The following DDX49 variants were observed in gnomAD, a reference collection of about 807,000 sequenced individuals.
DDX49 encodes probable ATP-dependent RNA helicase DDX49.
Under a neutral mutation model 56.3 loss-of-function variants are expected in DDX49, and 50 were observed. The ratio of observed to expected loss-of-function variants is 0.89; its 90% confidence interval spans 0.71 to 1.12. DDX49 has a LOEUF of 1.12. DDX49 is among the 50% of genes most tolerant of loss of function. The pLI, the probability that DDX49 is intolerant of heterozygous loss-of-function variation, is 0.00. For synonymous variants in DDX49, 269 were observed against 270.6 expected, an observed-to-expected ratio of 0.99 and a Z score of 0.06; for missense variants, 614 against 650.5, an observed-to-expected ratio of 0.94 and a Z score of 0.61.
At chr19:18,924,207 G>C in intron 6 of DDX49, 26 bp from the exon 7 acceptor site, 2 of 1,613,132 alleles carry the variant, frequency 1.2e-6, no homozygotes, top group Non-Finnish European at 1.7e-6. Flanking sequence ...AGCTGGAGGG[G>C]TTGACAGGCA....
At position 18,928,524 on chromosome 19, in the gene DDX49, A is replaced by G. The variant is rs2056984743; in HGVS notation, c.*208A>G. ...GAGCCCTGGCCAAGATTCAGGCTGC[A>G]GGGGAAGAAAGAACATGACCGGGAG... On this transcript the variant is annotated 3_prime_UTR_variant, in exon 13 of 13. Coordinates refer to ENST00000247003, the MANE Select transcript of DDX49 (RefSeq NM_019070.5). 3.5e-6 allele frequency: 2 copies of G among 568,660 alleles called. No homozygotes were observed. Among genetic ancestry groups the G allele is most frequent in the Non-Finnish European group, 6.1e-6 (2 of 330,244 alleles). 35.2% of individuals were successfully genotyped at this position (568,660 alleles called of 1,614,324 possible).
At chr19:18,926,537 C>A (rs2056963123) in intron 10 of DDX49, among the ~76,000 whole-genome samples, 160 bp downstream of exon 10, 1 of 152,270 alleles carries the variant, frequency 6.6e-6, no homozygotes, top group East Asian at 1.9e-4. Context: ...AAAAGAAGTT[C>A]TTTTGCCCAT....
rs750290763 is a variant in DDX49, at chr19:18,921,767, G to A, written c.325+19G>A. The stretch of plus-strand genomic sequence containing the variant: ...GGCATGGGTACGGGAGCTGGGAGGC[G>A]GGGGAAGCCCCAGCATGGGACCCTA... On this transcript the variant is annotated intron_variant, in intron 3 of 12. Coordinates refer to ENST00000247003, the MANE Select transcript of DDX49 (RefSeq NM_019070.5). 6.2e-6 allele frequency: 10 copies of A among 1,613,994 alleles called. No homozygotes were observed. Among genetic ancestry groups the A allele is most frequent in the East Asian group, 2.2e-5 (1 of 44,872 alleles).
chr19:18,922,615 T>C lies in DDX49; in HGVS notation c.647T>C (p.Val216Ala). 4 of 1,612,802 alleles carry C rather than the reference T, an allele frequency of 2.5e-6. No homozygotes were observed. The highest frequency in any genetic ancestry group is 3.4e-6 in the Non-Finnish European group (4 of 1,179,380). Residue 216 changes from valine to alanine, a missense_variant, in exon 6 of 13, where the codon GTG becomes GCG. Val to Ala is a moderately conservative substitution (Grantham distance 64). Transcript: ENST00000247003. ...FWEAQAPVST[V>A]EQLDQRYLLV... is the part of the protein sequence containing the mutation. Reference sequence around the variant, plus strand: ...CTGTCCATCCCCAGGGTGAGCACCGTGGAGCAGCTGGACCAGCGCTACCTG... The same window carrying C: ...CTGTCCATCCCCAGGGTGAGCACCGCGGAGCAGCTGGACCAGCGCTACCTG...
At position 18,927,795 on chromosome 19, in the gene DDX49, G is replaced by C; in HGVS notation, c.1132G>C (p.Glu378Gln). 1.2e-6 allele frequency: 2 copies of C among 1,614,040 alleles called. No individual in the cohort carries two copies. The highest frequency in any genetic ancestry group is 1.7e-6 in the Non-Finnish European group (2 of 1,180,024). ...KKKLEEFSVE[E>Q]AEVLQILTQV... ...GAAGCTGGAGGAGTTCTCCGTGGAA[G>C]AGGCCGAGGTGCTACAGATCCTCAC... Residue 378 changes from glutamate (E) to glutamine (Q), a missense_variant, in exon 11 of 13, where the codon GAG (glutamate) becomes CAG (glutamine). By Grantham distance (29) the Glu-to-Gln change is conservative. Transcript: ENST00000247003.
In DDX49 at chr19:18,928,303, A is replaced by G. The variant is rs769617454; in HGVS notation, c.1439A>G (p.Gln480Arg). The change falls in exon 13 of 13, where the codon CAG (glutamine) becomes CGG (arginine). Residue 480 changes from glutamine to arginine, a missense_variant. Coordinates refer to ENST00000247003, the MANE Select transcript of DDX49 (RefSeq NM_019070.5). The part of the protein sequence containing the change: ...SGSHSGPVPS[Q>R]GLV ...TCCCACTCAGGCCCAGTCCCCTCCCAGGGCCTGGTCTGAGCCCCACACGGC... is the reference window on the plus strand; with the variant it reads ...TCCCACTCAGGCCCAGTCCCCTCCCGGGGCCTGGTCTGAGCCCCACACGGC... The G allele has an allele frequency of 1.9e-6, 3 of 1,562,204 alleles. No homozygotes were observed. Among genetic ancestry groups the G allele is most frequent in the South Asian group, 2.4e-5 (2 of 83,942 alleles).
rs760453986 is a variant in DDX49 at position 18,928,041 on chromosome 19, G to A, written c.1263+5G>A. 15 of 1,613,690 alleles carry A rather than the reference G, an allele frequency of 9.3e-6. No individual in the cohort carries two copies. The highest frequency in any genetic ancestry group is 1.3e-5 in the Non-Finnish European group (15 of 1,179,968). On this transcript the variant is annotated splice_donor_5th_base_variant and intron_variant, in intron 12 of 12. Coordinates refer to ENST00000247003, the MANE Select transcript of DDX49 (RefSeq NM_019070.5). ...CAGCTGATCCTGGAGGGGAAGGTGA[G>A]GGCCGAGCCCGCAGGTAGGGGGTGG...
chr19:18,922,444 T>C lies in DDX49; in HGVS notation c.566T>C (p.Leu189Pro). 8 of 1,605,952 alleles carry C rather than the reference T, an allele frequency of 5.0e-6. No homozygotes were observed. The highest frequency in any genetic ancestry group is 5.1e-6 in the Non-Finnish European group (6 of 1,178,412). ...CAGACACTGCTGTTCAGCGCCACGCTGACCGACACACTCCGGGAGCTGCAG... is the reference window on the plus strand; with the variant it reads ...CAGACACTGCTGTTCAGCGCCACGCCGACCGACACACTCCGGGAGCTGCAG... ...RRQTLLFSAT[L>P]TDTLRELQGL... Residue 189 changes from leucine (L) to proline (P), a missense_variant, in exon 5 of 13, where the codon CTG (leucine) becomes CCG (proline). Physicochemically the swap from Leu to Pro is moderately conservative, Grantham distance 98. Transcript: ENST00000247003.
Position 18,921,704 on chromosome 19 carries a change from G to C in DDX49, c.281G>C (p.Gly94Ala). ...YQIAEQFRVL[G>A]KPLGLKDCII... ...ATCGCAGAGCAGTTCCGGGTCCTGGGGAAGCCTCTAGGGCTGAAAGACTGC... is the reference window on the plus strand; with the variant it reads ...ATCGCAGAGCAGTTCCGGGTCCTGGCGAAGCCTCTAGGGCTGAAAGACTGC... The change falls in exon 3 of 13, where the codon GGG (glycine) becomes GCG (alanine). Residue 94 changes from glycine (G) to alanine (A), a missense_variant. Gly to Ala is a moderately conservative substitution (Grantham distance 60, BLOSUM62 0). Coordinates refer to ENST00000247003, the MANE Select transcript of DDX49 (RefSeq NM_019070.5). The C allele has an allele frequency of 6.2e-7, 1 of 1,614,156 alleles. No homozygotes were observed. The highest frequency in any genetic ancestry group is 8.5e-7 in the Non-Finnish European group (1 of 1,180,020).
At position 18,922,376 on chromosome 19, in the gene DDX49, C is replaced by G. The variant is rs369820322; in HGVS notation, c.498C>G (p.Thr166=). The change falls in exon 5 of 13, where the codon ACC becomes ACG. Residue 166 remains threonine, a synonymous_variant. Transcript: ENST00000247003. ...TGGAACAGGGCTGCACTGACTTCAC[C>G]GTGGACCTGGAGGCCATCCTGGCGG... ...RLLEQGCTDF[T]VDLEAILAAV... 4 of 1,611,896 alleles carry G rather than the reference C, an allele frequency of 2.5e-6. No homozygotes were observed. The highest frequency in any genetic ancestry group is 1.7e-5 in the Admixed American group (1 of 59,864).
intron 1 of DDX49, 99 bp from the exon 2 acceptor site, chr19:18,920,481 T>C (rs1601246401): frequency 7.5e-7 from 1 of 1,339,012 alleles, no homozygotes; most frequent in Non-Finnish European, 1.0e-6. Context: ...TGGGTTCCAG[T>C]CCAGCCTGCC....
At position 18,919,766 on chromosome 19, in the gene DDX49, C is replaced by G. The variant is rs1440026067; in HGVS notation, c.25C>G (p.Leu9Val). 1 of 1,612,234 alleles carries G rather than the reference C, an allele frequency of 6.2e-7. No individual in the cohort carries two copies. Among genetic ancestry groups the G allele is most frequent in the Middle Eastern group, 1.7e-4 (1 of 6,020 alleles). MAGFAELG[L>V]SSWLVEQCRQ... ...GATGGCAGGCTTCGCGGAGCTCGGG[C>G]TGTCATCGTGGCTCGTGGAACAATG... is the stretch of plus-strand genomic sequence containing the variant. Residue 9 changes from leucine to valine, a missense_variant, in exon 1 of 13, where the codon CTG becomes GTG. Transcript: ENST00000247003.
intron 12 of DDX49, 34 bp downstream of exon 12, chr19:18,928,070 G>C: frequency 6.2e-7 from 1 of 1,613,262 alleles, no homozygotes. Context: ...GGGGTGGGTG[G>C]CCAGGTTCCC....
intron 7 of DDX49, 117 bp from the exon 8 acceptor site, chr19:18,924,506 A>G (rs1331566949): frequency 8.0e-7 from 1 of 1,251,238 alleles, no homozygotes; most frequent in East Asian, 2.3e-5. Context: ...CTGACTTCTC[A>G]TGGCCACCTT....
chr19:18,927,885 T>C (rs1199032227), intron 11 of DDX49, 31 bp downstream of exon 11: 64 of 1,613,714 alleles, frequency 4.0e-5, no homozygotes, highest in African/African-American at 5.3e-5. Flanking sequence ...GGAACTAAAG[T>C]GCTCTCCAGG....
Position 18,920,658 on chromosome 19 carries a change from C to T in DDX49, c.194C>T (p.Ser65Phe). 4 of 1,611,744 alleles carry T rather than the reference C, an allele frequency of 2.5e-6. No individual in the cohort carries two copies. Among genetic ancestry groups the T allele is most frequent in the Non-Finnish European group, 3.4e-6 (4 of 1,178,016 alleles). Residue 65 changes from serine to phenylalanine, a missense_variant, in exon 2 of 13, where the codon TCT becomes TTT. Physicochemically the swap from Ser to Phe is radical, Grantham distance 155 (BLOSUM62 -2). Coordinates refer to ENST00000247003, the MANE Select transcript of DDX49 (RefSeq NM_019070.5). ...GTCCTTCCCATCTTGCAGAAGCTGTCTGAGGATCCCTATGGCATCTTCTGC... is the reference window on the plus strand; with the variant it reads ...GTCCTTCCCATCTTGCAGAAGCTGTTTGAGGATCCCTATGGCATCTTCTGC... Reference protein sequence around the residue: ...AFVLPILQKLSEDPYGIFCLV... With the variant: ...AFVLPILQKLFEDPYGIFCLV...
Position 18,928,608 on chromosome 19 carries a change from A to G in DDX49, c.*292A>G, listed in dbSNP as rs1454796479. ...GTGCCGCATACAGGAGGTGCTTAAT[A>G]AACGGGTCTTTTGACTTCCTCAGTC... On this transcript the variant is annotated 3_prime_UTR_variant, in exon 13 of 13. Transcript: ENST00000247003. 11 of 360,502 alleles carry G rather than the reference A, an allele frequency of 3.1e-5. No homozygotes were observed. The highest frequency in any genetic ancestry group is 4.5e-5 in the Non-Finnish European group (9 of 199,164). The allele number at this position is 360,502 out of a possible 1,614,324, so 22.3% of individuals were successfully genotyped here.
At chr19:18,926,243 CTTT>C in intron 9 of DDX49, 57 bp from the exon 10 acceptor site, 2 of 1,520,132 alleles carry the variant, frequency 1.3e-6, no homozygotes, top group Non-Finnish European at 1.8e-6. Flanking sequence ...CAGGATCTAC[CTTT>C]ATTCGCCCCA....
chr19:18,928,539 A>C lies in DDX49; in HGVS notation c.*223A>C. On this transcript the variant is annotated 3_prime_UTR_variant, in exon 13 of 13. Coordinates refer to ENST00000247003, the MANE Select transcript of DDX49 (RefSeq NM_019070.5). ...TTCAGGCTGCAGGGGAAGAAAGAAC[A>C]TGACCGGGAGGTTGTGACCCCAACC... 1 of 543,454 alleles carries C rather than the reference A, an allele frequency of 1.8e-6. No homozygotes were observed. Among genetic ancestry groups the C allele is most frequent in the Non-Finnish European group, 3.2e-6 (1 of 313,528 alleles). The allele number at this position is 543,454 out of a possible 1,614,324, so 33.7% of individuals were successfully genotyped here.
Sources: allele counts gnomAD v4.1 joint callset (sites outside exome capture counted in the v4.1 genomes callset), GRCh38; gene constraint gnomAD v4.1.1; transcripts MANE v1.5; gene names NCBI Gene and HGNC (gene_info 2026-07-23, HGNC 2026-07-21).